Variants in PRKG1 observed in about 807,000 individuals in gnomAD.
The protein encoded by PRKG1 is protein kinase cGMP-dependent 1.
Under a neutral mutation model 88.1 loss-of-function variants are expected in PRKG1, and 35 were observed. That is an observed-to-expected ratio of 0.40 (90% CI 0.30 to 0.53). PRKG1 has a LOEUF of 0.53. Among genes scored for constraint, PRKG1 ranks in the 20% least tolerant of loss-of-function variants. The probability of loss-of-function intolerance (pLI) is 0.59; values close to 1 mark genes in which losing one functional copy is unlikely to be tolerated. For synonymous variants in PRKG1, 303 were observed against 292.5 expected (o/e 1.04, Z -0.37); for missense variants, 540 against 839.8 (o/e 0.64, Z 4.41).
intron 9 of PRKG1, among the ~76,000 whole-genome samples, chr10:52,181,416 C>CTTTTTTT (rs1839022601): frequency 1.1e-5 from 1 of 90,662 alleles, no homozygotes. Flanking sequence ...GCTCACAGCT[C>CTTTTTTT]TTCTTTTTTT....
chr10:51,040,232 TTGTGTGTGTGTG>T (rs373057468), intron 1 of PRKG1, among the ~76,000 whole-genome samples: 27 of 117,842 alleles, frequency 2.3e-4, no homozygotes, highest in African/African-American at 3.5e-4. Context: ...TCCATTCCAT[TTGTGTGTGTGTG>T]TGTGTGTGTG....
At chr10:51,111,624 T>C (rs2131897560) in intron 1 of PRKG1, among the ~76,000 whole-genome samples, 1 of 152,296 alleles carries the variant, frequency 6.6e-6, no homozygotes, top group African/African-American at 2.4e-5. Context: ...GCCTTCACAG[T>C]TGGGCAATAG....
chr10:51,948,270 C>T (rs908748357), intron 5 of PRKG1, among the ~76,000 whole-genome samples: 7 of 152,024 alleles, frequency 4.6e-5, no homozygotes, highest in South Asian at 2.1e-4. Flanking sequence ...TTTGAAGATA[C>T]GAAAGTGGCT....
intron 5 of PRKG1, among the ~76,000 whole-genome samples, chr10:51,950,532 C>G (rs116056786): frequency 6.6e-6 from 1 of 152,236 alleles, no homozygotes; most frequent in East Asian, 1.9e-4. Flanking sequence ...GAAGGGAGCA[C>G]GTGAGTGAGC....
intron 2 of PRKG1, among the ~76,000 whole-genome samples, chr10:51,241,557 A>G (rs373964367): frequency 5.4e-4 from 82 of 152,182 alleles, no homozygotes; most frequent in Non-Finnish European, 1.0e-3. Context: ...ATATTAGCCT[A>G]CTGCTAATTC....
At chr10:51,570,676 C>T (rs80126899) in intron 3 of PRKG1, among the ~76,000 whole-genome samples, 10,616 of 149,828 alleles carry the variant, frequency 0.071, 1,218 homozygotes, top group African/African-American at 0.24. Context: ...TCTCTTAATC[C>T]CTAATTTAGA....
intron 3 of PRKG1, among the ~76,000 whole-genome samples, chr10:51,709,764 T>G (rs555005038): frequency 6.6e-6 from 1 of 152,202 alleles, no homozygotes; most frequent in African/African-American, 2.4e-5. Flanking sequence ...TTGCAGGTCT[T>G]CATTCTTATC....
chr10:51,605,798 A>G (rs1166147978), intron 3 of PRKG1, among the ~76,000 whole-genome samples: 2 of 152,328 alleles, frequency 1.3e-5, no homozygotes, highest in East Asian at 3.9e-4. Context: ...GGGAGCCAAT[A>G]GAGTATAGGA....
At chr10:52,201,699 T>C (rs1160277851) in intron 9 of PRKG1, among the ~76,000 whole-genome samples, 3 of 152,142 alleles carry the variant, frequency 2.0e-5, no homozygotes, top group South Asian at 2.1e-4. Flanking sequence ...TAATATTTTT[T>C]CATTTCTTTA....
chr10:51,996,877 T>A (rs1844459310), intron 5 of PRKG1, among the ~76,000 whole-genome samples: 1 of 152,092 alleles, frequency 6.6e-6, no homozygotes, highest in African/African-American at 2.4e-5. Context: ...AGATATAGAA[T>A]CAACCTGAAT....
intron 9 of PRKG1, among the ~76,000 whole-genome samples, chr10:52,167,321 G>A (rs1004461909): frequency 1.3e-5 from 2 of 151,978 alleles, no homozygotes; most frequent in Non-Finnish European, 2.9e-5. Flanking sequence ...TTATTATCAT[G>A]GGGATAGCAC....
intron 2 of PRKG1, among the ~76,000 whole-genome samples, chr10:51,400,461 G>A (rs1837706560): frequency 6.6e-6 from 1 of 152,126 alleles, no homozygotes; most frequent in Non-Finnish European, 1.5e-5. Context: ...GTAATGGTAA[G>A]TTCAAAGGCC....
At chr10:51,264,506 G>A (rs1036774643) in intron 2 of PRKG1, among the ~76,000 whole-genome samples, 5 of 152,152 alleles carry the variant, frequency 3.3e-5, no homozygotes, top group African/African-American at 1.2e-4. Context: ...ACATGGACAT[G>A]TATTAGTATT....
chr10:51,542,830 G>A (rs1044878181), intron 3 of PRKG1, among the ~76,000 whole-genome samples: 2 of 152,182 alleles, frequency 1.3e-5, no homozygotes, highest in African/African-American at 4.8e-5. Flanking sequence ...GGCAAGTTAT[G>A]TAGCCTATCT....
At chr10:51,337,923 C>T (rs536009390) in intron 2 of PRKG1, among the ~76,000 whole-genome samples, 2 of 152,228 alleles carry the variant, frequency 1.3e-5, no homozygotes, top group East Asian at 3.9e-4. Flanking sequence ...GAATATAAAT[C>T]ATTCTATTAC....
intron 8 of PRKG1, among the ~76,000 whole-genome samples, chr10:52,137,484 T>C (rs1415642635): frequency 6.6e-6 from 1 of 152,036 alleles, no homozygotes; most frequent in Non-Finnish European, 1.5e-5. Flanking sequence ...AATATAAAAC[T>C]AAGTACAGTC....
chr10:51,118,173 A>C (rs1042426630), intron 1 of PRKG1, among the ~76,000 whole-genome samples: 1 of 152,180 alleles, frequency 6.6e-6, no homozygotes, highest in Non-Finnish European at 1.5e-5. Flanking sequence ...AGCAATCTTT[A>C]GGTCAGTGTT....
intron 2 of PRKG1, among the ~76,000 whole-genome samples, chr10:51,168,801 G>A (rs1183756121): frequency 6.6e-6 from 1 of 152,146 alleles, no homozygotes; most frequent in Non-Finnish European, 1.5e-5. Context: ...TTTCTGTAAA[G>A]GCTAACATTT....
intron 3 of PRKG1, among the ~76,000 whole-genome samples, chr10:51,742,804 CA>C (rs1175317515): frequency 4.6e-5 from 7 of 152,018 alleles, no homozygotes; most frequent in Non-Finnish European, 1.0e-4. Context: ...TGAGTATGGT[CA>C]AAGTCACCCA....
Sources: allele counts gnomAD v4.1 joint callset (sites outside exome capture counted in the v4.1 genomes callset), GRCh38; gene constraint gnomAD v4.1.1; transcripts MANE v1.5; gene names NCBI Gene and HGNC (gene_info 2026-07-23, HGNC 2026-07-21).